CALN1: variants seen among roughly 807,000 people sequenced by gnomAD.
CALN1 encodes the protein calneuron 1, also known as calcium-binding protein 8.
CALN1 carries 17 observed loss-of-function variants against 30.6 expected under a neutral mutation model. The observed-to-expected ratio is 0.56, with a 90% CI of 0.38 to 0.83. CALN1 has a LOEUF of 0.83. Among genes scored for constraint, CALN1 ranks in the 40% least tolerant of loss-of-function variants. The probability of loss-of-function intolerance (pLI) is 0.00; values close to 1 mark genes in which losing one functional copy is unlikely to be tolerated. For synonymous variants in CALN1, 156 were observed against 131.4 expected, an observed-to-expected ratio of 1.19 and a Z score of -1.28; for missense variants, 291 against 354.9, an observed-to-expected ratio of 0.82 and a Z score of 1.45.
intron 3 of CALN1, among the ~76,000 whole-genome samples, chr7:72,277,253 G>A (rs1377399809): frequency 6.6e-6 from 1 of 152,204 alleles, no homozygotes; most frequent in African/African-American, 2.4e-5. Context: ...ATGGTGTTTT[G>A]TTACAGCAGC....
At chr7:72,400,792 C>G (rs773607797) in intron 2 of CALN1, among the ~76,000 whole-genome samples, 5 of 152,192 alleles carry the variant, frequency 3.3e-5, no homozygotes, top group Non-Finnish European at 5.9e-5. Context: ...TGAGACCCAC[C>G]CTCTGCCCAC....
chr7:71,825,008 C>T (rs1378978723), intron 5 of CALN1, among the ~76,000 whole-genome samples: 5 of 152,176 alleles, frequency 3.3e-5, no homozygotes, highest in Non-Finnish European at 2.9e-5. Flanking sequence ...CCAGGCCAAG[C>T]GAGGTCAGTA....
the CALN1 span, among the ~76,000 whole-genome samples, chr7:72,491,765 A>G: frequency 6.6e-6 from 1 of 152,194 alleles, no homozygotes; most frequent in African/African-American, 2.4e-5. Flanking sequence ...AGTAGAGAGG[A>G]AGACCACTGC....
the CALN1 span, among the ~76,000 whole-genome samples, chr7:72,501,928 A>AAAAAAAAT: frequency 3.5e-5 from 2 of 57,968 alleles, no homozygotes; most frequent in African/African-American, 2.0e-4. Context: ...AAAAAAAAAA[A>AAAAAAAAT]ATATATATAT....
At chr7:71,974,118 G>C (rs1464086143) in intron 5 of CALN1, among the ~76,000 whole-genome samples, 3 of 152,048 alleles carry the variant, frequency 2.0e-5, no homozygotes, top group African/African-American at 7.2e-5. Context: ...GATCATCCTT[G>C]CAATAAAGAC....
At chr7:72,086,425 GTTATTA>G (rs374702327) in intron 4 of CALN1, among the ~76,000 whole-genome samples, 1 of 151,940 alleles carries the variant, frequency 6.6e-6, no homozygotes, top group Non-Finnish European at 1.5e-5. Flanking sequence ...TATTGTAGTT[GTTATTA>G]TTATTATTAT....
At chr7:72,213,786 G>A (rs1179791179) in intron 3 of CALN1, among the ~76,000 whole-genome samples, 1 of 152,144 alleles carries the variant, frequency 6.6e-6, no homozygotes, top group Non-Finnish European at 1.5e-5. Context: ...CTCCAAACAG[G>A]GAGGGAGAAG....
chr7:71,962,147 T>C (rs1294630911), intron 5 of CALN1, among the ~76,000 whole-genome samples: 1 of 151,790 alleles, frequency 6.6e-6, no homozygotes, highest in East Asian at 1.9e-4. Flanking sequence ...AATCCCAGCA[T>C]TTTGAGAGGC....
At chr7:72,403,995 C>T (rs1051253139) in intron 1 of CALN1, among the ~76,000 whole-genome samples, 1 of 152,200 alleles carries the variant, frequency 6.6e-6, no homozygotes, top group Non-Finnish European at 1.5e-5. Flanking sequence ...CATCCCATTA[C>T]CAGCTCCAGG....
chr7:71,941,865 G>T (rs1489324757), intron 5 of CALN1, among the ~76,000 whole-genome samples: 2 of 152,146 alleles, frequency 1.3e-5, no homozygotes, highest in Non-Finnish European at 2.9e-5. Flanking sequence ...GGGGATTAGG[G>T]ATTGGGAGAC....
At chr7:71,961,311 C>T (rs1797236448) in intron 5 of CALN1, among the ~76,000 whole-genome samples, 1 of 152,190 alleles carries the variant, frequency 6.6e-6, no homozygotes, top group Admixed American at 6.5e-5. Flanking sequence ...AGCTTACATC[C>T]CCTCTTCTAA....
intron 2 of CALN1, among the ~76,000 whole-genome samples, chr7:72,328,144 A>G (rs1801411414): frequency 4.6e-5 from 7 of 152,228 alleles, no homozygotes; most frequent in Admixed American, 3.3e-4. Flanking sequence ...TTTCATCGCT[A>G]AAAAATGTCT....
At chr7:72,338,470 A>AGACTGTGTGTGT in intron 2 of CALN1, among the ~76,000 whole-genome samples, 1 of 74,804 alleles carries the variant, frequency 1.3e-5, no homozygotes. Context: ...CCAGCAGCAC[A>AGACTGTGTGTGT]GTGTGTGTGT....
chr7:72,028,432 C>G (rs892346524), intron 4 of CALN1, among the ~76,000 whole-genome samples: 2 of 152,182 alleles, frequency 1.3e-5, no homozygotes, highest in African/African-American at 4.8e-5. Flanking sequence ...AGCTGACAAG[C>G]AGAAATGATG....
chr7:72,185,455 G>C (rs912489215), intron 3 of CALN1, among the ~76,000 whole-genome samples: 1 of 152,216 alleles, frequency 6.6e-6, no homozygotes, highest in African/African-American at 2.4e-5. Flanking sequence ...GGAAGGCACA[G>C]AACTTCCCTT....
the CALN1 span, among the ~76,000 whole-genome samples, chr7:72,498,430 GA>G: frequency 0.15 from 23,384 of 151,496 alleles, 1,975 homozygotes; most frequent in African/African-American, 0.2. Context: ...AAGCAGTCAG[GA>G]AAAAAAGACA....
intron 1 of CALN1, among the ~76,000 whole-genome samples, chr7:72,441,048 C>T (rs1369496047): frequency 1.3e-5 from 2 of 152,052 alleles, no homozygotes; most frequent in African/African-American, 4.8e-5. Flanking sequence ...TGGAAGTAGA[C>T]AAGGTGTAAA....
chr7:72,328,723 T>C (rs1562892114), intron 2 of CALN1, among the ~76,000 whole-genome samples: 4 of 152,162 alleles, frequency 2.6e-5, no homozygotes. Context: ...TGAGACAGAG[T>C]CTCGCTCTGT....
chr7:72,132,556 A>G (rs6972469), intron 3 of CALN1, among the ~76,000 whole-genome samples: 115,703 of 151,998 alleles, frequency 0.76, 44,503 homozygotes, highest in East Asian at 0.96. Context: ...TTATATGAAG[A>G]ATGCCACCAC....
Sources: gnomAD v4.1 joint callset for allele counts (sites outside exome capture counted in the v4.1 genomes callset) on GRCh38, gnomAD v4.1.1 for gene constraint, MANE v1.5 for transcripts, NCBI Gene and HGNC (gene_info 2026-07-23, HGNC 2026-07-21) for gene names.